SPON1: variants seen among roughly 807,000 people sequenced by gnomAD.
SPON1 encodes the protein spondin-1.
A neutral mutation model predicts 111.7 loss-of-function variants in SPON1; 52 were observed. That is an observed-to-expected ratio of 0.47 (90% CI 0.37 to 0.59). The LOEUF is 0.59. SPON1 is among the 20% of genes least tolerant of loss of function. The pLI, the probability that SPON1 is intolerant of heterozygous loss-of-function variation, is 0.00. For missense variants in SPON1, 957 were observed against 1,068.5 expected, an observed-to-expected ratio of 0.90 and a Z score of 1.46; for synonymous variants, 410 against 395.8, an observed-to-expected ratio of 1.04 and a Z score of -0.43.
In SPON1 at chr11:14,063,315, C is replaced by T. The variant is rs1000341703; in HGVS notation, c.480-12030C>T. On this transcript the variant is annotated intron_variant, in intron 3 of 15. Transcript: ENST00000576479. Reference sequence around the variant, plus strand: ...TAAAATAAAAAAAATTCATCATTTACATTCTGCTCTGCATTAAAATGGGAT... The same window carrying T: ...TAAAATAAAAAAAATTCATCATTTATATTCTGCTCTGCATTAAAATGGGAT... Among the ~76,000 whole-genome samples the T allele has an allele frequency of 3.3e-5, 5 of 152,206 alleles. No individual in the cohort carries two copies. In the East Asian group the frequency reaches 9.6e-4, roughly 29 times the overall value.
chr11:14,170,656 G>C (rs9705063), intron 6 of SPON1, among the ~76,000 whole-genome samples: 23 of 151,008 alleles, frequency 1.5e-4, no homozygotes, highest in African/African-American at 5.4e-4. Flanking sequence ...GCTTATTATT[G>C]TGAGGTACGT....
At chr11:14,242,546 T>C (rs1346471827) in intron 6 of SPON1, among the ~76,000 whole-genome samples, 4 of 152,122 alleles carry the variant, frequency 2.6e-5, no homozygotes, top group Non-Finnish European at 5.9e-5. Context: ...CCTCCAGCCT[T>C]GCAAAGATCA....
intron 2 of SPON1, among the ~76,000 whole-genome samples, chr11:13,998,116 A>G (rs1848287850): frequency 6.6e-6 from 1 of 152,102 alleles, no homozygotes; most frequent in African/African-American, 2.4e-5. Flanking sequence ...CCCCTCTTCA[A>G]CTCAGATTCC....
intron 6 of SPON1, among the ~76,000 whole-genome samples, chr11:14,215,760 G>T (rs1554937103): frequency 1.3e-5 from 2 of 152,224 alleles, no homozygotes; most frequent in Non-Finnish European, 2.9e-5. Context: ...ACTTAAGATA[G>T]AAGTATATTT....
intron 5 of SPON1, among the ~76,000 whole-genome samples, chr11:14,092,024 G>A (rs1554923464): frequency 6.6e-6 from 1 of 152,200 alleles, no homozygotes; most frequent in African/African-American, 2.4e-5. Flanking sequence ...TGCCTAACCA[G>A]TCCCAGTGAG....
intron 6 of SPON1, among the ~76,000 whole-genome samples, chr11:14,174,284 G>A (rs1848147081): frequency 1.3e-5 from 2 of 152,184 alleles, no homozygotes; most frequent in Non-Finnish European, 2.9e-5. Context: ...CCCATTTGGG[G>A]ATGAGGATGT....
intron 6 of SPON1, among the ~76,000 whole-genome samples, chr11:14,147,644 C>T (rs1313595813): frequency 4.0e-5 from 6 of 150,954 alleles, no homozygotes; most frequent in African/African-American, 1.5e-4. Context: ...CTCGAACTCC[C>T]GAACTCAACT....
intron 6 of SPON1, among the ~76,000 whole-genome samples, chr11:14,175,326 A>AGTATTCCC (rs1417113606): frequency 6.6e-6 from 1 of 152,234 alleles, no homozygotes; most frequent in Non-Finnish European, 1.5e-5. Context: ...ATCAAAAGAA[A>AGTATTCCC]GTATTCCCAC....
At position 14,109,236 on chromosome 11, in the gene SPON1, A is replaced by T. The variant is rs1849209001; in HGVS notation, c.677-26184A>T. Among the ~76,000 whole-genome samples the T allele has an allele frequency of 2.6e-5, 4 of 152,148 alleles. No individual in the cohort carries two copies. In the South Asian group the frequency reaches 8.3e-4, roughly 32 times the overall value. The stretch of plus-strand genomic sequence containing the variant: ...GTCAATCCTCCCACCTCAGTCTCCT[A>T]AGAAGCCGGGACTACAGGTTCATAC... On this transcript the variant is annotated intron_variant, in intron 5 of 15. Coordinates refer to ENST00000576479, the MANE Select transcript of SPON1 (RefSeq NM_006108.4).
At chr11:13,996,014 C>T (rs1300505584) in intron 2 of SPON1, among the ~76,000 whole-genome samples, 3 of 152,194 alleles carry the variant, frequency 2.0e-5, no homozygotes, top group Admixed American at 2.0e-4. Flanking sequence ...CTCTTAGAGT[C>T]GTTGAAATTT....
intron 8 of SPON1, 73 bp downstream of exon 8, chr11:14,254,802 G>C (rs576245984): frequency 8.9e-6 from 13 of 1,456,454 alleles, no homozygotes; most frequent in Middle Eastern, 2.4e-4. Context: ...ACACAGAGGG[G>C]ATCTGTCCCA....
Position 14,259,154 on chromosome 11 carries a change from A to C in SPON1, c.1493-126A>C. The C allele has an allele frequency of 1.0e-6, 1 of 997,544 alleles. No individual in the cohort carries two copies. The highest frequency in any genetic ancestry group is 1.4e-6 in the Non-Finnish European group (1 of 696,018). 61.8% of individuals were successfully genotyped at this position (997,544 alleles called of 1,614,324 possible). On this transcript the variant is annotated intron_variant, in intron 11 of 15. Transcript: ENST00000576479. This position sits in a 1 kb window ranked among gnomAD's most constrained non-coding sequence, Gnocchi z 5.0. ...GCCAGTTTAAGGATTTAGACCTCTT[A>C]GGTGTGCAGACAACCTCAACTGCCT...
chr11:13,975,109 A>G (rs188358447), intron 1 of SPON1, among the ~76,000 whole-genome samples: 6 of 152,326 alleles, frequency 3.9e-5, no homozygotes, highest in Admixed American at 6.5e-5. Flanking sequence ...ACCCCAGAAC[A>G]CATTGTTCAT....
intron 6 of SPON1, among the ~76,000 whole-genome samples, chr11:14,150,068 A>G (rs1312753308): frequency 4.6e-5 from 7 of 152,214 alleles, no homozygotes; most frequent in African/African-American, 1.7e-4. Context: ...TGGAATCAAC[A>G]TAAGTGTCCA....
At chr11:14,024,478 G>A (rs1848503549) in intron 2 of SPON1, among the ~76,000 whole-genome samples, 1 of 152,170 alleles carries the variant, frequency 6.6e-6, no homozygotes, top group Non-Finnish European at 1.5e-5. Flanking sequence ...CTGGAGTCAG[G>A]CTACCCAGTG....
At chr11:14,157,599 C>T (rs950388176) in intron 6 of SPON1, among the ~76,000 whole-genome samples, 1 of 152,010 alleles carries the variant, frequency 6.6e-6, no homozygotes, top group Non-Finnish European at 1.5e-5. Context: ...AAATTCTGGC[C>T]CTTATTTCTT....
At chr11:14,215,162 C>G (rs1430115062) in intron 6 of SPON1, among the ~76,000 whole-genome samples, 2 of 152,060 alleles carry the variant, frequency 1.3e-5, no homozygotes, top group African/African-American at 4.8e-5. Context: ...CTAAAGCAGT[C>G]CTCCCACCTC....
intron 2 of SPON1, among the ~76,000 whole-genome samples, chr11:14,009,689 C>CT (rs1163440074): frequency 1.3e-5 from 2 of 152,152 alleles, no homozygotes; most frequent in Non-Finnish European, 2.9e-5. Context: ...GAATTTATTG[C>CT]TTACAATTCT....
At chr11:14,165,902 T>C (rs1848024228) in intron 6 of SPON1, among the ~76,000 whole-genome samples, 1 of 152,248 alleles carries the variant, frequency 6.6e-6, no homozygotes, top group South Asian at 2.1e-4. Flanking sequence ...CTCTGCTCTA[T>C]GAAGACTCTC....
Sources: allele counts gnomAD v4.1 joint callset (sites outside exome capture counted in the v4.1 genomes callset), GRCh38; gene constraint gnomAD v4.1.1; non-coding constraint Gnocchi (gnomAD v3.1); transcripts MANE v1.5; gene names NCBI Gene and HGNC (gene_info 2026-07-23, HGNC 2026-07-21).